The following FAT3 variants were observed in gnomAD, a reference collection of about 807,000 sequenced individuals.
FAT3 encodes the protein FAT atypical cadherin 3, also known as protocadherin Fat 3.
In FAT3, 95 loss-of-function variants were observed where a neutral mutation model predicts 310.2. The ratio of observed to expected loss-of-function variants is 0.31; its 90% CI spans 0.26 to 0.36. FAT3 has a LOEUF of 0.36. FAT3 is among the 10% of genes least tolerant of loss of function. The pLI is 1.00. For missense variants in FAT3, 5,408 were observed against 5,715.6 expected (o/e 0.95, Z 1.74); for synonymous variants, 2,314 against 2,192.9 (o/e 1.06, Z -1.54).
At chr11:92,696,666 A>AAG (rs1373708064) in intron 3 of FAT3, among the ~76,000 whole-genome samples, 1 of 152,212 alleles carries the variant, frequency 6.6e-6, no homozygotes, top group Non-Finnish European at 1.5e-5. Context: ...AAACCTGCAA[A>AAG]AGACAAATTG....
chr11:92,355,573 A>G (rs1948708999), intron 2 of FAT3, among the ~76,000 whole-genome samples, 169 bp downstream of exon 2: 1 of 152,164 alleles, frequency 6.6e-6, no homozygotes, highest in Non-Finnish European at 1.5e-5. Flanking sequence ...GGTTTGTTAG[A>G]AGATCTGTTT....
At chr11:92,885,454 G>A (rs971469132) in intron 24 of FAT3, among the ~76,000 whole-genome samples, 5 of 152,182 alleles carry the variant, frequency 3.3e-5, no homozygotes, top group Non-Finnish European at 5.9e-5. Flanking sequence ...GGTATTAGAG[G>A]AAGAGGATTT....
At chr11:92,308,770 C>T (rs1258189486) in intron 1 of FAT3, among the ~76,000 whole-genome samples, 1 of 152,142 alleles carries the variant, frequency 6.6e-6, no homozygotes, top group Non-Finnish European at 1.5e-5. Context: ...CCAAGTCATG[C>T]CCTCTGTATC....
chr11:92,562,509 C>A lies in FAT3; in HGVS notation c.3607+37561C>A, dbSNP rs1002881444. On this transcript the variant is annotated intron_variant, in intron 3 of 27. Coordinates refer to ENST00000525166, the MANE Select transcript of FAT3 (RefSeq NM_001367949.2). ...CACAATGTGTATAGGTCAGGGTTCT[C>A]CAGAGAAACAGAATGAATAGTATAT... 2.0e-5 allele frequency among the ~76,000 whole-genome samples: 3 copies of A among 152,018 alleles called. 1 individual carries two copies. The highest frequency in any genetic ancestry group is 7.3e-5 in the African/African-American group (3 of 41,374).
At chr11:92,421,571 C>T (rs1950534408) in intron 2 of FAT3, among the ~76,000 whole-genome samples, 1 of 152,160 alleles carries the variant, frequency 6.6e-6, no homozygotes, top group African/African-American at 2.4e-5. Context: ...TTTGCATGAG[C>T]AACTTTTAGA....
Position 92,890,558 on chromosome 11 carries a change from C to G in FAT3, c.13215C>G (p.Asn4405Lys), listed in dbSNP as rs1200653855. ...ARLSDIEEVP[N>K]YENQDGGSAH... ...TGTCGGACATAGAGGAAGTGCCCAA[C>G]TATGAGAACCAGGATGGAGGGTCTG... The change falls in exon 28 of 28, where the codon AAC (asparagine) becomes AAG (lysine). Residue 4405 changes from asparagine (N) to lysine (K), a missense_variant. By Grantham distance (94) the Asn-to-Lys change is moderately conservative (BLOSUM62 0). Around this residue, in one of 5 missense-constraint regions of FAT3, gnomAD observed 649 missense variants for 666.2 expected, o/e 0.97. Coordinates refer to ENST00000525166, the MANE Select transcript of FAT3 (RefSeq NM_001367949.2). The G allele has an allele frequency of 1.2e-6, 2 of 1,613,034 alleles. No homozygotes were observed. The highest frequency in any genetic ancestry group is 1.7e-5 in the Admixed American group (1 of 59,936).
At chr11:92,763,304 C>T (rs1027461357) in intron 5 of FAT3, among the ~76,000 whole-genome samples, 4 of 152,010 alleles carry the variant, frequency 2.6e-5, no homozygotes, top group Non-Finnish European at 5.9e-5. Flanking sequence ...CCTTGCTGTG[C>T]TCGGTTATGT....
At chr11:92,350,291 A>G (rs1003400126) in intron 1 of FAT3, among the ~76,000 whole-genome samples, 2 of 152,014 alleles carry the variant, frequency 1.3e-5, no homozygotes, top group African/African-American at 4.8e-5. Context: ...CTAACCTTGG[A>G]TATGAAAGGG....
chr11:92,472,874 C>G (rs1162597728), intron 2 of FAT3, among the ~76,000 whole-genome samples: 1 of 152,132 alleles, frequency 6.6e-6, no homozygotes, highest in East Asian at 1.9e-4. Context: ...GATCTAAGCC[C>G]CCTCTGCCCC....
chr11:92,860,264 C>CA, intron 21 of FAT3, among the ~76,000 whole-genome samples: 1 of 152,302 alleles, frequency 6.6e-6, no homozygotes, highest in Admixed American at 6.5e-5. Flanking sequence ...AAGAGGAGGA[C>CA]AGTGGTTCAG....
chr11:92,392,392 G>A (rs186857234), intron 2 of FAT3, among the ~76,000 whole-genome samples: 85 of 151,950 alleles, frequency 5.6e-4, no homozygotes, highest in African/African-American at 1.9e-3. Context: ...ATAAGGTTTG[G>A]GGCATTTGGT....
chr11:92,737,681 A>G (rs1259506681), intron 4 of FAT3, among the ~76,000 whole-genome samples: 2 of 152,170 alleles, frequency 1.3e-5, no homozygotes, highest in East Asian at 3.9e-4. Context: ...AAAAATAAGC[A>G]GTCAGAATTT....
At chr11:92,729,165 G>T (rs1289485067) in intron 4 of FAT3, among the ~76,000 whole-genome samples, 1 of 152,024 alleles carries the variant, frequency 6.6e-6, no homozygotes, top group Non-Finnish European at 1.5e-5. Flanking sequence ...CTCTGCTACT[G>T]GTGCACTTGA....
chr11:92,687,494 T>C (rs184878846), intron 3 of FAT3, among the ~76,000 whole-genome samples: 86 of 152,346 alleles, frequency 5.6e-4, no homozygotes, highest in African/African-American at 1.9e-3. Flanking sequence ...TGTTTTCTGA[T>C]TGTACAATTC....
chr11:92,877,610 A>G (rs1223363639), intron 22 of FAT3, among the ~76,000 whole-genome samples: 1 of 152,164 alleles, frequency 6.6e-6, no homozygotes, highest in Admixed American at 6.5e-5. Flanking sequence ...TTGCTAGGGA[A>G]ACTGACCATG....
intron 3 of FAT3, among the ~76,000 whole-genome samples, chr11:92,673,498 C>G (rs1054727860): frequency 6.6e-6 from 1 of 152,082 alleles, no homozygotes; most frequent in Non-Finnish European, 1.5e-5. Context: ...TATACGAGTG[C>G]AAAGAAGACT....
chr11:92,232,608 T>C (rs1385300665), intron 1 of FAT3, among the ~76,000 whole-genome samples: 1 of 151,328 alleles, frequency 6.6e-6, no homozygotes, highest in Non-Finnish European at 1.5e-5. Flanking sequence ...CATTTTGTGC[T>C]TCTTGACTTC....
chr11:92,830,141 G>C (rs750071140), intron 13 of FAT3, among the ~76,000 whole-genome samples: 7 of 152,236 alleles, frequency 4.6e-5, no homozygotes, highest in Non-Finnish European at 7.4e-5. Context: ...GGATCAGAAT[G>C]GTGCTTTTTC....
intron 4 of FAT3, among the ~76,000 whole-genome samples, chr11:92,735,849 G>A (rs186656190): frequency 1.3e-5 from 2 of 151,682 alleles, no homozygotes; most frequent in Non-Finnish European, 2.9e-5. Flanking sequence ...AAAGTAATGG[G>A]TTCTCTATAT....
Sources: gnomAD v4.1 joint callset for allele counts (sites outside exome capture counted in the v4.1 genomes callset) on GRCh38, gnomAD v4.1.1 for gene constraint, gnomAD v4.1.1 regional missense constraint, MANE v1.5 for transcripts, NCBI Gene and HGNC (gene_info 2026-07-23, HGNC 2026-07-21) for gene names.